STMN4: variants seen among roughly 807,000 people sequenced by gnomAD.
STMN4 encodes stathmin 4.
In STMN4, 12 loss-of-function variants were observed where a neutral mutation model predicts 29.1. The ratio of observed to expected loss-of-function variants is 0.41; its 90% CI spans 0.26 to 0.67. The LOEUF is 0.67. Ranked by LOEUF, STMN4 falls within the 30% of genes least tolerant of loss-of-function variation. The pLI is 0.30. For missense variants in STMN4, 181 were observed against 262.8 expected (o/e 0.69, Z 2.15); for synonymous variants, 114 against 105.3 (o/e 1.08, Z -0.51).
chr8:27,236,796 A>T lies in STMN4; in HGVS notation c.*50T>A, dbSNP rs1423244588. ...GCGGGCGAGGCTGCCTGGAACGTGG[A>T]GCTGCTGGAGCTGTCCGGCTGACCT... On this transcript the variant is annotated 3_prime_UTR_variant, in exon 7 of 7. Transcript: ENST00000350889. 2.0e-6 allele frequency: 3 copies of T among 1,506,424 alleles called. No homozygotes were observed. Among genetic ancestry groups the T allele is most frequent in the African/African-American group, 1.4e-5 (1 of 70,964 alleles). The allele number at this position is 1,506,424 out of a possible 1,614,324, so 93.3% of individuals were successfully genotyped here.
At chr8:27,239,302 G>A in intron 6 of STMN4, 3 of 1,535,454 alleles carry the variant, frequency 2.0e-6, no homozygotes, top group Non-Finnish European at 2.6e-6. Context: ...CACAGAGCTG[G>A]AGCTCTCCCA....
In STMN4 at chr8:27,236,752, A is replaced by C; in HGVS notation, c.*94T>G. On this transcript the variant is annotated 3_prime_UTR_variant, in exon 7 of 7. Coordinates refer to ENST00000350889, the MANE Select transcript of STMN4 (RefSeq NM_030795.4). Reference sequence around the variant, plus strand: ...GGCCACCCCCCTCCCCCCAAACCCCAGTGCTGGGAGCGCAGCCGGCGGGCG... The same window carrying C: ...GGCCACCCCCCTCCCCCCAAACCCCCGTGCTGGGAGCGCAGCCGGCGGGCG... The C allele has an allele frequency of 6.7e-5, 67 of 1,001,870 alleles. No individual in the cohort carries two copies. The highest frequency in any genetic ancestry group is 7.8e-5 in the Non-Finnish European group (56 of 721,450). 62.1% of individuals were successfully genotyped at this position (1,001,870 alleles called of 1,614,324 possible).
At chr8:27,243,903 C>T in intron 1 of STMN4, 102 bp from the exon 2 acceptor site, 1 of 1,078,832 alleles carries the variant, frequency 9.3e-7, no homozygotes, top group African/African-American at 1.5e-5. Flanking sequence ...AGGGGTACCT[C>T]ATTTGCTCTT....
intron 1 of STMN4, among the ~76,000 whole-genome samples, chr8:27,256,105 T>A (rs1801931927): frequency 6.6e-6 from 1 of 152,122 alleles, no homozygotes; most frequent in East Asian, 1.9e-4. Context: ...AATAAGCCAA[T>A]CATAAAAAGA....
At chr8:27,243,921 G>A in intron 1 of STMN4, 120 bp from the exon 2 acceptor site, 2 of 869,494 alleles carry the variant, frequency 2.3e-6, no homozygotes, top group Non-Finnish European at 3.6e-6. Flanking sequence ...CTTCCTCCAG[G>A]CCCTCTCCCC....
At chr8:27,244,433 A>G (rs1801566629) in intron 1 of STMN4, among the ~76,000 whole-genome samples, 1 of 152,178 alleles carries the variant, frequency 6.6e-6, no homozygotes, top group South Asian at 2.1e-4. Context: ...CCAGCACACC[A>G]CCAGAAATCA....
Position 27,244,686 on chromosome 8 carries a change from G to A in STMN4, c.-78-885C>T, listed in dbSNP as rs978396960. On this transcript the variant is annotated intron_variant, in intron 1 of 6. Transcript: ENST00000350889. ...CACGGCCAAGGGTCGGGGTGAGAAC[G>A]CCACTCAGTGTCCGTGGGATCAGGT... Among the ~76,000 whole-genome samples the A allele has an allele frequency of 8.6e-5, 13 of 152,026 alleles. No individual in the cohort carries two copies. In the East Asian group the frequency reaches 2.3e-3, roughly 27 times the overall value.
chr8:27,250,003 A>T (rs182787050), intron 1 of STMN4, among the ~76,000 whole-genome samples: 6 of 152,300 alleles, frequency 3.9e-5, no homozygotes, highest in Admixed American at 2.0e-4. Context: ...CGGAAGACAA[A>T]TCTAGAAACT....
At chr8:27,236,988 AAGCAAAG>A in intron 6 of STMN4, 83 bp from the exon 7 acceptor site, 1 of 1,449,446 alleles carries the variant, frequency 6.9e-7, no homozygotes, top group Non-Finnish European at 9.3e-7. Context: ...AGAGAACCAA[AAGCAAAG>A]AGTGGCCACC....
intron 1 of STMN4, among the ~76,000 whole-genome samples, chr8:27,251,190 T>C (rs1370243901): frequency 1.3e-5 from 2 of 151,834 alleles, no homozygotes; most frequent in South Asian, 4.2e-4. Flanking sequence ...GAAGTGGAGG[T>C]TGCAGTGAGC....
Position 27,243,724 on chromosome 8 carries a change from G to A in STMN4, c.-1C>T. On this transcript the variant is annotated 5_prime_UTR_variant, in exon 2 of 7. Coordinates refer to ENST00000350889, the MANE Select transcript of STMN4 (RefSeq NM_030795.4). ...TTTTGTACCTACCAGCAAGGGTCAT[G>A]TTTCTGGGATCTGGTGGCTGAATCT... 1 of 1,614,232 alleles carries A rather than the reference G, an allele frequency of 6.2e-7. No homozygotes were observed. Among genetic ancestry groups the A allele is most frequent in the African/African-American group, 1.3e-5 (1 of 75,060 alleles).
At chr8:27,253,210 C>T (rs1056033931) in intron 1 of STMN4, among the ~76,000 whole-genome samples, 1 of 152,220 alleles carries the variant, frequency 6.6e-6, no homozygotes, top group Admixed American at 6.5e-5. Flanking sequence ...CCACATTGAA[C>T]TACGCTGAAA....
intron 3 of STMN4, 74 bp downstream of exon 3, chr8:27,242,323 C>T: frequency 7.2e-7 from 1 of 1,397,468 alleles, no homozygotes; most frequent in South Asian, 1.2e-5. Flanking sequence ...GGACTGGGGT[C>T]GGGGTGCAGG....
At chr8:27,247,186 C>T (rs1442078901) in intron 1 of STMN4, among the ~76,000 whole-genome samples, 1 of 141,164 alleles carries the variant, frequency 7.1e-6, no homozygotes, top group Non-Finnish European at 1.5e-5. Flanking sequence ...GCCTGGCAGG[C>T]GAAGGTTGCA....
At chr8:27,251,308 T>TTA (rs1008015235) in intron 1 of STMN4, among the ~76,000 whole-genome samples, 5 of 121,758 alleles carry the variant, frequency 4.1e-5, no homozygotes, top group African/African-American at 9.1e-5. Flanking sequence ...ACATATAATA[T>TTA]TATATATATA....
At chr8:27,237,517 C>T (rs1056739810) in intron 6 of STMN4, among the ~76,000 whole-genome samples, 3 of 152,178 alleles carry the variant, frequency 2.0e-5, no homozygotes, top group Non-Finnish European at 4.4e-5. Context: ...TGTCTCCCAA[C>T]GTGCTGGGAT....
At chr8:27,243,242 G>C (rs561859303) in intron 2 of STMN4, among the ~76,000 whole-genome samples, 1 of 152,186 alleles carries the variant, frequency 6.6e-6, no homozygotes, top group South Asian at 2.1e-4. Flanking sequence ...TCATTTGCTT[G>C]TACAATTTTT....
intron 1 of STMN4, among the ~76,000 whole-genome samples, chr8:27,253,564 A>G (rs758226207): frequency 6.6e-6 from 1 of 152,244 alleles, no homozygotes; most frequent in Non-Finnish European, 1.5e-5. Flanking sequence ...CTAGGGATCC[A>G]GTGATGATCT....
intron 1 of STMN4, among the ~76,000 whole-genome samples, chr8:27,251,330 G>GTATA (rs1021028071): frequency 1.8e-5 from 2 of 111,560 alleles, no homozygotes; most frequent in African/African-American, 6.7e-5. Flanking sequence ...GTATATACGT[G>GTATA]TATATATATT....
Sources: allele counts gnomAD v4.1 joint callset (sites outside exome capture counted in the v4.1 genomes callset), GRCh38; gene constraint gnomAD v4.1.1; transcripts MANE v1.5; gene names NCBI Gene and HGNC (gene_info 2026-07-23, HGNC 2026-07-21).